TLN2: variants seen among roughly 807,000 people sequenced by gnomAD.
The protein encoded by TLN2 is talin 2.
Under a neutral mutation model 294.7 loss-of-function variants are expected in TLN2, and 118 were observed. The ratio of observed to expected loss-of-function variants is 0.40; its 90% CI spans 0.34 to 0.47. The LOEUF is 0.47. Among genes scored for constraint, TLN2 ranks in the 20% least tolerant of loss-of-function variants. The pLI is 0.84. For synonymous variants in TLN2, 1,431 were observed against 1,304.5 expected (o/e 1.10, Z -2.09); for missense variants, 3,083 against 3,282.2 (o/e 0.94, Z 1.48).
intron 52 of TLN2, among the ~76,000 whole-genome samples, chr15:62,813,320 T>C (rs922576872): frequency 6.6e-6 from 1 of 152,242 alleles, no homozygotes; most frequent in Non-Finnish European, 1.5e-5. Flanking sequence ...TATACAATTA[T>C]TGTCATTGTA....
At chr15:62,779,172 C>G (rs1415125609) in intron 43 of TLN2, among the ~76,000 whole-genome samples, 1 of 152,184 alleles carries the variant, frequency 6.6e-6, no homozygotes, top group Non-Finnish European at 1.5e-5. Flanking sequence ...GATTCTCTCT[C>G]GTCATCTCAG....
intron 1 of TLN2, among the ~76,000 whole-genome samples, chr15:62,445,411 C>G (rs2035765042): frequency 6.6e-6 from 1 of 152,134 alleles, no homozygotes; most frequent in Non-Finnish European, 1.5e-5. Flanking sequence ...TAAGAGGTAT[C>G]ACAGTGTCAT....
rs374213795 is a variant in TLN2, at chr15:62,736,885, T to C, written c.3366T>C (p.Ala1122=). The C allele has an allele frequency of 4.5e-5, 73 of 1,613,896 alleles. No homozygotes were observed. The highest frequency in any genetic ancestry group is 5.4e-5 in the Non-Finnish European group (64 of 1,179,918). Residue 1122 remains alanine (A), a synonymous_variant, in exon 29 of 59, where the codon GCT becomes GCC. Transcript: ENST00000636159. The part of the protein sequence containing the change: ...AQGNEHYTGV[A]ARETAQALKT... ...ATGGACTTTTTCCCCCAGGGGTGGC[T>C]GCTAGAGAGACGGCCCAAGCTCTGA...
intron 3 of TLN2, among the ~76,000 whole-genome samples, chr15:62,634,189 G>A (rs1029520406): frequency 3.0e-4 from 45 of 152,300 alleles, no homozygotes; most frequent in African/African-American, 1.1e-3. Context: ...CACTGTTGGA[G>A]GACAAGATGA....
chr15:62,805,598 A>G lies in TLN2; in HGVS notation c.6478-2A>G. 2 of 1,590,462 alleles carry G rather than the reference A, an allele frequency of 1.3e-6. No individual in the cohort carries two copies. Among genetic ancestry groups the G allele is most frequent in the Non-Finnish European group, 1.7e-6 (2 of 1,164,346 alleles). On this transcript the variant is annotated splice_acceptor_variant, in intron 50 of 58. Coordinates refer to ENST00000636159, the MANE Select transcript of TLN2 (RefSeq NM_015059.3). LOFTEE classifies it high-confidence loss of function. Reference sequence around the variant, plus strand: ...TTTAACCTCTCTGTTTCTGACTTCCAGGTGTTCCAGTCAAAAGACGTACCT... The same window carrying G: ...TTTAACCTCTCTGTTTCTGACTTCCGGGTGTTCCAGTCAAAAGACGTACCT...
intron 28 of TLN2, among the ~76,000 whole-genome samples, chr15:62,728,160 T>G (rs11858345): frequency 0.98 from 149,738 of 152,140 alleles, 73,735 homozygotes; most frequent in East Asian, 1. Context: ...TTCCCCAGAG[T>G]TAAACGCTCA....
intron 26 of TLN2, among the ~76,000 whole-genome samples, chr15:62,723,600 G>A (rs907050520): frequency 7.4e-6 from 1 of 135,214 alleles, no homozygotes; most frequent in Non-Finnish European, 1.5e-5. Flanking sequence ...CTGGAGTACA[G>A]TGGTGCAGTC....
rs369969413 is a variant in TLN2, at chr15:62,800,455, G to A, written c.6322G>A (p.Asp2108Asn). Residue 2108 changes from aspartate to asparagine, a missense_variant, in exon 49 of 59, where the codon GAC becomes AAC. Transcript: ENST00000636159. ...ATKGAASKPV[D>N]DPSMYQLKGA... ...CAAGGGAGCTGCCAGCAAGCCAGTG[G>A]ACGACCCTTCCATGTACCAGCTCAA... is the stretch of plus-strand genomic sequence containing the variant. 8.7e-5 allele frequency: 141 copies of A among 1,614,120 alleles called. No individual in the cohort carries two copies. Among genetic ancestry groups the A allele is most frequent in the Middle Eastern group, 4.9e-4 (3 of 6,084 alleles).
intron 1 of TLN2, among the ~76,000 whole-genome samples, chr15:62,567,244 A>C (rs2043478938): frequency 6.6e-6 from 1 of 152,204 alleles, no homozygotes; most frequent in Admixed American, 6.5e-5. Context: ...ATAAAGAATG[A>C]ATGTTTAGCA....
intron 1 of TLN2, among the ~76,000 whole-genome samples, chr15:62,498,689 A>G (rs2039146375): frequency 6.6e-6 from 1 of 151,938 alleles, no homozygotes; most frequent in Admixed American, 6.6e-5. Flanking sequence ...ACTGACCCCC[A>G]GTATCTGGTG....
At chr15:62,621,460 A>G (rs930642036) in intron 3 of TLN2, among the ~76,000 whole-genome samples, 8 of 152,198 alleles carry the variant, frequency 5.3e-5, no homozygotes, top group African/African-American at 1.9e-4. Flanking sequence ...ATAGAGATAA[A>G]TATACAGTAT....
chr15:62,743,675 C>A (rs898577217), intron 32 of TLN2, among the ~76,000 whole-genome samples: 7 of 152,118 alleles, frequency 4.6e-5, no homozygotes, highest in Admixed American at 3.3e-4. Flanking sequence ...CAGGTGCCCC[C>A]TAAACTTAGT....
chr15:62,564,073 T>C (rs1377531295), intron 1 of TLN2, among the ~76,000 whole-genome samples: 1 of 152,186 alleles, frequency 6.6e-6, no homozygotes, highest in Non-Finnish European at 1.5e-5. Flanking sequence ...TTTAAAAACT[T>C]ACTGGTGGTG....
chr15:62,797,512 G>A, intron 48 of TLN2, 110 bp downstream of exon 48: 1 of 1,252,022 alleles, frequency 8.0e-7, no homozygotes, highest in East Asian at 2.6e-5. Context: ...TAGACAATGT[G>A]TGTGTGAGTG....
chr15:62,757,410 A>G (rs2062351877), intron 37 of TLN2, among the ~76,000 whole-genome samples: 1 of 152,226 alleles, frequency 6.6e-6, no homozygotes, highest in African/African-American at 2.4e-5. Context: ...TTGCTGTGTA[A>G]TGAGCTTATC....
At chr15:62,498,452 G>A (rs1284666326) in intron 1 of TLN2, among the ~76,000 whole-genome samples, 1 of 152,170 alleles carries the variant, frequency 6.6e-6, no homozygotes, top group Non-Finnish European at 1.5e-5. Flanking sequence ...CTCCTGAGGA[G>A]TTTGTTGGAA....
At chr15:62,758,154 C>T (rs1174210359) in intron 37 of TLN2, among the ~76,000 whole-genome samples, 1 of 152,126 alleles carries the variant, frequency 6.6e-6, no homozygotes, top group Non-Finnish European at 1.5e-5. Context: ...CCCTTATAGT[C>T]ATGAAGAAGG....
intron 1 of TLN2, among the ~76,000 whole-genome samples, chr15:62,561,812 T>A (rs2042984268): frequency 6.6e-6 from 1 of 152,170 alleles, no homozygotes. Context: ...TTCTCCCTGC[T>A]GCTTCCTCTT....
chr15:62,476,790 G>A (rs2037806117), intron 1 of TLN2, among the ~76,000 whole-genome samples: 1 of 152,162 alleles, frequency 6.6e-6, no homozygotes, highest in African/African-American at 2.4e-5. Context: ...GGCAGATGCA[G>A]ATGCCATTTC....
Sources: allele counts gnomAD v4.1 joint callset (sites outside exome capture counted in the v4.1 genomes callset), GRCh38; gene constraint gnomAD v4.1.1; transcripts MANE v1.5; gene names NCBI Gene and HGNC (gene_info 2026-07-23, HGNC 2026-07-21).